The following DIP2C variants were observed in gnomAD, a reference collection of about 807,000 sequenced individuals.
DIP2C encodes the protein DIP2 acetate--CoA ligase C (putative).
DIP2C carries 33 observed loss-of-function variants against 192.4 expected under a neutral mutation model. That is an observed-to-expected ratio of 0.17 (90% CI 0.13 to 0.23). DIP2C has a LOEUF of 0.23. DIP2C is among the 10% of genes least tolerant of loss of function. DIP2C has a pLI of 1.00. For missense variants in DIP2C, 1,537 were observed against 2,110.1 expected, an observed-to-expected ratio of 0.73 and a Z score of 5.32; for synonymous variants, 979 against 864.1, an observed-to-expected ratio of 1.13 and a Z score of -2.33.
At chr10:542,569 T>TC (rs1006977612) in intron 1 of DIP2C, among the ~76,000 whole-genome samples, 11 of 152,114 alleles carry the variant, frequency 7.2e-5, no homozygotes, top group African/African-American at 2.7e-4. Flanking sequence ...GTAAAAACCC[T>TC]CCCAAGCCAA....
At chr10:649,319 G>A (rs1480590885) in intron 1 of DIP2C, among the ~76,000 whole-genome samples, 3 of 148,650 alleles carry the variant, frequency 2.0e-5, no homozygotes, top group East Asian at 2.0e-4. Context: ...CTGAGTCCAC[G>A]TCCACATTGG....
At chr10:682,545 T>C (rs1486025141) in intron 1 of DIP2C, among the ~76,000 whole-genome samples, 2 of 151,844 alleles carry the variant, frequency 1.3e-5, no homozygotes, top group East Asian at 3.9e-4. Flanking sequence ...AACCCAAAGA[T>C]TAAACATTAA....
At chr10:315,904 C>CA (rs1956756071) in intron 31 of DIP2C, among the ~76,000 whole-genome samples, 1 of 152,194 alleles carries the variant, frequency 6.6e-6, no homozygotes, top group South Asian at 2.1e-4. Context: ...GGTCAGACTT[C>CA]AAGTTCATTC....
chr10:590,521 A>C (rs902131787), intron 1 of DIP2C, among the ~76,000 whole-genome samples: 5 of 152,200 alleles, frequency 3.3e-5, no homozygotes, highest in Non-Finnish European at 7.3e-5. Flanking sequence ...CTTTAAAATC[A>C]GGTGTTTCAT....
chr10:561,553 A>C (rs1849218012), intron 1 of DIP2C, among the ~76,000 whole-genome samples: 2 of 152,212 alleles, frequency 1.3e-5, no homozygotes, highest in South Asian at 4.1e-4. Context: ...CTCTAAAACC[A>C]CAATGGGAAC....
At chr10:463,228 CAT>C (rs1197236734) in intron 3 of DIP2C, among the ~76,000 whole-genome samples, 1 of 152,176 alleles carries the variant, frequency 6.6e-6, no homozygotes, top group Non-Finnish European at 1.5e-5. Flanking sequence ...TTACAGATGA[CAT>C]GATTGTTATT....
At chr10:526,109 G>A (rs143027744) in intron 1 of DIP2C, among the ~76,000 whole-genome samples, 146 of 152,314 alleles carry the variant, frequency 9.6e-4, no homozygotes, top group African/African-American at 3.5e-3. Flanking sequence ...AATGAGAGAA[G>A]GGAATTACAA....
intron 3 of DIP2C, among the ~76,000 whole-genome samples, chr10:455,431 G>C (rs1325691015): frequency 9.8e-6 from 1 of 102,172 alleles, no homozygotes; most frequent in South Asian, 3.0e-4. Flanking sequence ...GTCCCTGCCT[G>C]AGGGGAGACC....
At chr10:615,793 G>A (rs1853431316) in intron 1 of DIP2C, among the ~76,000 whole-genome samples, 1 of 152,110 alleles carries the variant, frequency 6.6e-6, no homozygotes, top group South Asian at 2.1e-4. Context: ...TCTCATGCGT[G>A]AGATTACACT....
In DIP2C at chr10:297,241, T is replaced by TACACACACACACACACAC. The variant is rs140637166; in HGVS notation, c.3987-8838_3987-8821dup. On this transcript the variant is annotated intron_variant, in intron 32 of 36. Coordinates refer to ENST00000280886, the MANE Select transcript of DIP2C (RefSeq NM_014974.3). ...ACCAACCCCCCCCCACCCCACCACA[T>TACACACACACACACACAC]ACACACACACACACACACACACACA... 4.8e-4 allele frequency among the ~76,000 whole-genome samples: 56 copies of TACACACACACACACACAC among 115,622 alleles called. 1 individual carries two copies. Among genetic ancestry groups the TACACACACACACACACAC allele is most frequent in the African/African-American group, 1.8e-3 (54 of 29,282 alleles). 75.9% of individuals were successfully genotyped at this position (115,622 alleles called of 152,430 possible).
Position 418,258 on chromosome 10 carries a change from A to T in DIP2C, c.739+807T>A, listed in dbSNP as rs1303622260. Among the ~76,000 whole-genome samples the T allele has an allele frequency of 1.1e-4, 14 of 122,652 alleles. 1 individual carries two copies. Among genetic ancestry groups the T allele is most frequent in the African/African-American group, 3.2e-4 (10 of 31,186 alleles). 80.5% of individuals were successfully genotyped at this position (122,652 alleles called of 152,430 possible). A position where few individuals can be genotyped will look rare whatever the true frequency, so the allele number is the denominator to read the frequency against. On this transcript the variant is annotated intron_variant, in intron 6 of 36. Coordinates refer to ENST00000280886, the MANE Select transcript of DIP2C (RefSeq NM_014974.3). Reference sequence around the variant, plus strand: ...TTCGATAGGCCTCCCTGTTCACTGCACCTGTCAGGCCTCAGATAGGCATCC... The same window carrying T: ...TTCGATAGGCCTCCCTGTTCACTGCTCCTGTCAGGCCTCAGATAGGCATCC...
chr10:344,846 A>T lies in DIP2C; in HGVS notation c.3416T>A (p.Phe1139Tyr). The stretch of plus-strand genomic sequence containing the variant: ...TAGCATCCCAGTTGTGGACACGCTG[A>T]AGTCGAGATATGCAAGAGTGTCTGG... ...CNPDTLAYLD[F>Y]SVSTTGMLAG... is the part of the protein sequence containing the mutation. Residue 1139 changes from phenylalanine to tyrosine, a missense_variant, in exon 28 of 37, where the codon TTC (phenylalanine) becomes TAC (tyrosine). Physicochemically the swap from Phe to Tyr is conservative, Grantham distance 22 (BLOSUM62 3). Around this residue, in one of 4 missense-constraint regions of DIP2C, gnomAD observed 46 missense variants for 28.9 expected, o/e 1.59. Transcript: ENST00000280886. The T allele has an allele frequency of 5.6e-6, 9 of 1,604,056 alleles. No individual in the cohort carries two copies. The highest frequency in any genetic ancestry group is 7.6e-6 in the Non-Finnish European group (9 of 1,176,598).
chr10:502,549 G>A (rs1432889998), intron 1 of DIP2C, among the ~76,000 whole-genome samples: 2 of 151,956 alleles, frequency 1.3e-5, no homozygotes, highest in African/African-American at 4.8e-5. Context: ...ACTGAAAACA[G>A]AAAGGAGGAA....
intron 1 of DIP2C, among the ~76,000 whole-genome samples, chr10:581,198 C>T (rs1269224886): frequency 6.6e-6 from 1 of 152,200 alleles, no homozygotes; most frequent in Non-Finnish European, 1.5e-5. Flanking sequence ...GATACTTACT[C>T]TAGTCTACTT....
chr10:639,382 G>A (rs1200839261), intron 1 of DIP2C, among the ~76,000 whole-genome samples: 1 of 142,508 alleles, frequency 7.0e-6, no homozygotes, highest in Non-Finnish European at 1.5e-5. Flanking sequence ...CCACACATGG[G>A]GATGTGTCAG....
chr10:357,597 G>A (rs1474840641), intron 23 of DIP2C, among the ~76,000 whole-genome samples: 1 of 152,198 alleles, frequency 6.6e-6, no homozygotes, highest in African/African-American at 2.4e-5. Flanking sequence ...TGCAGGAGAG[G>A]ACAGGTAGAA....
chr10:542,696 T>C (rs965783344), intron 1 of DIP2C, among the ~76,000 whole-genome samples: 3 of 146,264 alleles, frequency 2.1e-5, no homozygotes, highest in African/African-American at 7.7e-5. Context: ...TCTGACCCTG[T>C]CCCTCTCTAT....
At chr10:339,936 C>T (rs1037715111) in intron 29 of DIP2C, among the ~76,000 whole-genome samples, 7 of 152,098 alleles carry the variant, frequency 4.6e-5, no homozygotes, top group African/African-American at 1.4e-4. Context: ...GGTGCGGTGG[C>T]GCACGAGGGC....
chr10:643,809 A>G (rs1210159284), intron 1 of DIP2C, among the ~76,000 whole-genome samples: 1 of 152,266 alleles, frequency 6.6e-6, no homozygotes, highest in Non-Finnish European at 1.5e-5. Flanking sequence ...AGTTGCACAC[A>G]TCAATACTTG....
Sources: allele counts gnomAD v4.1 joint callset (sites outside exome capture counted in the v4.1 genomes callset), GRCh38; gene constraint gnomAD v4.1.1; regional missense constraint gnomAD v4.1.1; transcripts MANE v1.5; gene names NCBI Gene and HGNC (gene_info 2026-07-23, HGNC 2026-07-21).